Variants in INSL6 observed in about 807,000 individuals in gnomAD.
The protein encoded by INSL6 is insulin like 6, also known as insulin-like peptide INSL6.
INSL6 carries 16 observed loss-of-function variants against 9.4 expected under a neutral mutation model. The observed-to-expected ratio is 1.70, with a 90% CI of 1.15 to 2.59. The LOEUF (loss-of-function observed/expected upper bound fraction) is 2.59. Ranked by LOEUF, INSL6 falls within the 30% of genes most tolerant of loss-of-function variation. The pLI, the probability that INSL6 is intolerant of heterozygous loss-of-function variation, is 0.00. For missense variants in INSL6, 391 were observed against 257.3 expected, an observed-to-expected ratio of 1.52 and a Z score of -3.56; for synonymous variants, 154 against 96.9, an observed-to-expected ratio of 1.59 and a Z score of -3.46.
chr9:5,058,087 A>G, the INSL6 span, among the ~76,000 whole-genome samples: 2 of 152,298 alleles, frequency 1.3e-5, no homozygotes, highest in Non-Finnish European at 2.9e-5. Context: ...TCATTCATCC[A>G]TCAATGAATA....
chr9:5,116,395 G>A, the INSL6 span, among the ~76,000 whole-genome samples: 17 of 152,202 alleles, frequency 1.1e-4, no homozygotes, highest in South Asian at 2.1e-4. Context: ...AGGAAATGTC[G>A]TCATGATAAA....
chr9:5,077,590 A>G, the INSL6 span: 95 of 1,459,334 alleles, frequency 6.5e-5, 1 homozygote, highest in South Asian at 1.4e-3. Context: ...AGTAAGTAGT[A>G]CAACCTTTTT....
At chr9:4,995,364 A>G in the INSL6 span, among the ~76,000 whole-genome samples, 9 of 152,180 alleles carry the variant, frequency 5.9e-5, no homozygotes, top group Non-Finnish European at 1.2e-4. Flanking sequence ...GCATCTAGGT[A>G]GGTTCCTTCT....
At chr9:5,092,137 G>A in the INSL6 span, among the ~76,000 whole-genome samples, 1 of 152,112 alleles carries the variant, frequency 6.6e-6, no homozygotes, top group Non-Finnish European at 1.5e-5. Flanking sequence ...AGGTCAACGT[G>A]TAGCTCATGA....
chr9:5,129,081 G>A (rs1399391531), intron 3 of INSL6, among the ~76,000 whole-genome samples: 1 of 151,962 alleles, frequency 6.6e-6, no homozygotes, highest in African/African-American at 2.4e-5. Context: ...CTAGTTTACA[G>A]TCAAGTGTAA....
At chr9:5,090,524 G>A in the INSL6 span, 42 of 1,593,656 alleles carry the variant, frequency 2.6e-5, no homozygotes, top group Non-Finnish European at 3.3e-5. Context: ...CATAAAGAAC[G>A]GATAGATCAC....
the INSL6 span, among the ~76,000 whole-genome samples, chr9:5,075,203 G>A: frequency 6.6e-6 from 1 of 152,170 alleles, no homozygotes; most frequent in Non-Finnish European, 1.5e-5. Context: ...AGTGCAAGGT[G>A]AAGCAGCAAA....
At chr9:5,074,247 A>G in the INSL6 span, among the ~76,000 whole-genome samples, 1 of 152,178 alleles carries the variant, frequency 6.6e-6, no homozygotes, top group Non-Finnish European at 1.5e-5. Context: ...AGAAACTACT[A>G]AAAGTATAAA....
chr9:5,062,531 AG>A, the INSL6 span, among the ~76,000 whole-genome samples: 1 of 148,130 alleles, frequency 6.8e-6, no homozygotes, highest in Non-Finnish European at 1.5e-5. Context: ...AAAAAAAAAA[AG>A]GTCATATCTG....
intron 2 of INSL6, among the ~76,000 whole-genome samples, chr9:5,146,330 G>A (rs897957454): frequency 5.9e-5 from 9 of 152,170 alleles, no homozygotes; most frequent in African/African-American, 2.2e-4. Context: ...GTAGACCAAG[G>A]TGTGGCAGCT....
chr9:5,178,672 G>A (rs1485974059), intron 1 of INSL6, among the ~76,000 whole-genome samples: 1 of 152,096 alleles, frequency 6.6e-6, no homozygotes, highest in African/African-American at 2.4e-5. Context: ...ATAGACCAAT[G>A]GAACAGAATA....
the INSL6 span, chr9:5,080,699 A>C: frequency 6.6e-7 from 1 of 1,514,048 alleles, no homozygotes; most frequent in Non-Finnish European, 8.8e-7. Context: ...TATTTGAATG[A>C]TCTTATTGAT....
the INSL6 span, among the ~76,000 whole-genome samples, chr9:5,005,849 C>T: frequency 6.6e-6 from 1 of 152,146 alleles, no homozygotes; most frequent in African/African-American, 2.4e-5. Flanking sequence ...TTCCATTGAT[C>T]TATATCTCTG....
chr9:5,111,411 C>G, the INSL6 span: 1 of 401,960 alleles, frequency 2.5e-6, no homozygotes, highest in Non-Finnish European at 4.8e-6. Context: ...GGCCTGGACA[C>G]GCAGCCCACG....
downstream of INSL6, among the ~76,000 whole-genome samples, chr9:5,120,674 G>GTC: frequency 6.6e-6 from 1 of 152,138 alleles, no homozygotes; most frequent in African/African-American, 2.4e-5. Context: ...CTTGTGTGAA[G>GTC]ACCTCTGTGC....
chr9:5,158,417 T>C (rs1457091363), intron 2 of INSL6, among the ~76,000 whole-genome samples: 1 of 152,240 alleles, frequency 6.6e-6, no homozygotes, highest in East Asian at 1.9e-4. Flanking sequence ...GACTGCCTCA[T>C]GGTAATTAAT....
the INSL6 span, chr9:5,098,010 A>G: frequency 6.6e-6 from 1 of 152,202 alleles, no homozygotes; most frequent in Admixed American, 6.5e-5. Context: ...ACCGCATGAA[A>G]TATTATCTCA....
the INSL6 span, chr9:5,108,488 C>T: frequency 1.3e-5 from 2 of 152,064 alleles, no homozygotes; most frequent in African/African-American, 4.8e-5. Context: ...TGTTAGCCTC[C>T]TTATCCAATA....
rs137949046 is a variant in INSL6 at position 5,185,557 on chromosome 9, G to C, written c.46C>G (p.Leu16Val). The C allele has an allele frequency of 1.7e-5, 27 of 1,613,824 alleles. No individual in the cohort carries two copies. The highest frequency in any genetic ancestry group is 1.1e-4 in the African/African-American group (8 of 74,942). ...CTCAGTTCACGAGAAAACCGAACCAGCAGGAGTCCAAGCCACAGCAGGGAC... is the reference window on the plus strand; with the variant it reads ...CTCAGTTCACGAGAAAACCGAACCACCAGGAGTCCAAGCCACAGCAGGGAC... ...RLSLLWLGLLLVRFSRELSDI... is the reference protein window; with the variant it reads ...RLSLLWLGLLVVRFSRELSDI... The change falls in exon 1 of 2, where the codon CTG (leucine) becomes GTG (valine). Residue 16 changes from leucine to valine, a missense_variant. Physicochemically the swap from Leu to Val is conservative, Grantham distance 32 (BLOSUM62 1). Coordinates refer to ENST00000381641, the MANE Select transcript of INSL6 (RefSeq NM_007179.3).
Sources: gnomAD v4.1 joint callset for allele counts (sites outside exome capture counted in the v4.1 genomes callset) on GRCh38, gnomAD v4.1.1 for gene constraint, MANE v1.5 for transcripts, NCBI Gene and HGNC (gene_info 2026-07-23, HGNC 2026-07-21) for gene names.